The following KCNIP4 variants were observed in gnomAD, a reference collection of about 807,000 sequenced individuals.
KCNIP4 encodes the protein potassium voltage-gated channel interacting protein 4, also known as Kv channel-interacting protein 4.
Under a neutral mutation model 34.0 loss-of-function variants are expected in KCNIP4, and 12 were observed. The observed-to-expected ratio is 0.35, with a 90% CI of 0.23 to 0.57. KCNIP4 has a LOEUF of 0.57. Ranked by LOEUF, KCNIP4 falls within the 20% of genes least tolerant of loss-of-function variation. The pLI is 0.83. For synonymous variants in KCNIP4, 124 were observed against 102.2 expected (o/e 1.21, Z -1.29); for missense variants, 238 against 311.7 (o/e 0.76, Z 1.78).
At chr4:20,866,626 C>T (rs1722909433) in intron 2 of KCNIP4, among the ~76,000 whole-genome samples, 1 of 152,058 alleles carries the variant, frequency 6.6e-6, no homozygotes, top group Non-Finnish European at 1.5e-5. Flanking sequence ...CTCACCACTC[C>T]TATTCAACAT....
At chr4:21,372,403 C>T (rs5022493) in intron 1 of KCNIP4, among the ~76,000 whole-genome samples, 37 of 101,654 alleles carry the variant, frequency 3.6e-4, no homozygotes, top group East Asian at 1.8e-3. Context: ...GTTAGATAGA[C>T]AGACAGACAG....
At chr4:21,394,571 C>T (rs1722827290) in intron 1 of KCNIP4, among the ~76,000 whole-genome samples, 1 of 152,120 alleles carries the variant, frequency 6.6e-6, no homozygotes, top group South Asian at 2.1e-4. Flanking sequence ...ATGTAGGGCT[C>T]CTGTGTTCCC....
intron 1 of KCNIP4, among the ~76,000 whole-genome samples, chr4:21,572,314 T>TA (rs1740422211): frequency 6.6e-6 from 1 of 152,186 alleles, no homozygotes; most frequent in Non-Finnish European, 1.5e-5. Context: ...CATGGAAACT[T>TA]AGTTTGTTCA....
intron 1 of KCNIP4, among the ~76,000 whole-genome samples, chr4:21,388,649 C>G (rs1328764313): frequency 6.6e-6 from 1 of 152,074 alleles, no homozygotes; most frequent in Non-Finnish European, 1.5e-5. Context: ...TCCTTCTATC[C>G]TTTTAGCTAT....
intron 3 of KCNIP4, among the ~76,000 whole-genome samples, chr4:20,810,148 G>C (rs1460449467): frequency 1.3e-5 from 2 of 152,172 alleles, no homozygotes; most frequent in Non-Finnish European, 2.9e-5. Context: ...TTCAGGACTT[G>C]AAACAATTTT....
intron 1 of KCNIP4, among the ~76,000 whole-genome samples, chr4:21,040,010 A>G (rs534295631): frequency 1.1e-4 from 17 of 152,302 alleles, no homozygotes; most frequent in African/African-American, 4.1e-4. Context: ...ACATGGCGGC[A>G]GGTGAGAGAG....
intron 1 of KCNIP4, among the ~76,000 whole-genome samples, chr4:21,548,632 T>C (rs1738325313): frequency 6.6e-6 from 1 of 151,340 alleles, no homozygotes; most frequent in Admixed American, 6.6e-5. Flanking sequence ...TTACATAAAG[T>C]GCTAATAATG....
intron 1 of KCNIP4, among the ~76,000 whole-genome samples, chr4:21,051,773 G>C (rs1742955265): frequency 6.6e-6 from 1 of 152,150 alleles, no homozygotes; most frequent in African/African-American, 2.4e-5. Context: ...GAGGCAAGCT[G>C]ATCTTGCTCC....
intron 1 of KCNIP4, among the ~76,000 whole-genome samples, chr4:21,275,175 A>T (rs1261034057): frequency 6.6e-6 from 1 of 152,174 alleles, no homozygotes; most frequent in Non-Finnish European, 1.5e-5. Context: ...ATCTTTAGAG[A>T]TGAAGACGTT....
At chr4:21,039,189 G>C (rs907199787) in intron 1 of KCNIP4, among the ~76,000 whole-genome samples, 3 of 151,952 alleles carry the variant, frequency 2.0e-5, no homozygotes, top group African/African-American at 7.3e-5. Context: ...GTGAAACCCT[G>C]TCTCTACTAA....
At chr4:21,580,667 T>C (rs2109070807) in intron 1 of KCNIP4, among the ~76,000 whole-genome samples, 1 of 152,214 alleles carries the variant, frequency 6.6e-6, no homozygotes, top group African/African-American at 2.4e-5. Flanking sequence ...TATTTTTACA[T>C]TTGCCATGCA....
At chr4:21,801,675 C>T (rs996226275) in intron 1 of KCNIP4, among the ~76,000 whole-genome samples, 2 of 152,028 alleles carry the variant, frequency 1.3e-5, no homozygotes, top group East Asian at 3.9e-4. Flanking sequence ...GTGGCACAAT[C>T]TCAGCTCACT....
intron 1 of KCNIP4, among the ~76,000 whole-genome samples, chr4:21,448,872 A>T (rs1728267591): frequency 6.6e-6 from 1 of 152,204 alleles, no homozygotes; most frequent in Non-Finnish European, 1.5e-5. Flanking sequence ...TAGGAGGTCC[A>T]TCAAGTTTTT....
chr4:21,454,160 C>T (rs1419565110), intron 1 of KCNIP4, among the ~76,000 whole-genome samples: 1 of 152,056 alleles, frequency 6.6e-6, no homozygotes, highest in African/African-American at 2.4e-5. Context: ...AGCTAAAAAT[C>T]CCATTTTAAT....
chr4:21,086,968 C>CCTCTCTCTCT (rs113613645), intron 1 of KCNIP4, among the ~76,000 whole-genome samples: 1 of 141,404 alleles, frequency 7.1e-6, no homozygotes, highest in African/African-American at 2.7e-5. Flanking sequence ...CCTTTTCCTT[C>CCTCTCTCTCT]CTCTCTCTCT....
At chr4:21,158,897 T>C (rs1753365877) in intron 1 of KCNIP4, among the ~76,000 whole-genome samples, 1 of 152,140 alleles carries the variant, frequency 6.6e-6, no homozygotes, top group South Asian at 2.1e-4. Flanking sequence ...AAATATCTAA[T>C]AGAAATAATT....
intron 1 of KCNIP4, among the ~76,000 whole-genome samples, chr4:21,306,923 A>G (rs533283622): frequency 6.4e-4 from 98 of 152,070 alleles, no homozygotes; most frequent in Middle Eastern, 6.8e-3. Flanking sequence ...CCTGGGTTCA[A>G]GCAATTCTCC....
chr4:21,082,623 A>G (rs1746095865), intron 1 of KCNIP4, among the ~76,000 whole-genome samples: 1 of 151,744 alleles, frequency 6.6e-6, no homozygotes, highest in South Asian at 2.1e-4. Context: ...AGGAAGAAGT[A>G]ATAAAGTCTT....
At chr4:21,188,098 C>T (rs909040031) in intron 1 of KCNIP4, among the ~76,000 whole-genome samples, 6 of 152,176 alleles carry the variant, frequency 3.9e-5, no homozygotes, top group African/African-American at 1.4e-4. Context: ...ACTAATACTA[C>T]TTAAGTATGT....
Sources: gnomAD v4.1 joint callset for allele counts (sites outside exome capture counted in the v4.1 genomes callset) on GRCh38, gnomAD v4.1.1 for gene constraint, MANE v1.5 for transcripts, NCBI Gene and HGNC (gene_info 2026-07-23, HGNC 2026-07-21) for gene names.